Variants in ASB3 observed in about 807,000 individuals in gnomAD.
ASB3 encodes ankyrin repeat and SOCS box containing 3.
Under a neutral mutation model 54.5 loss-of-function variants are expected in ASB3, and 41 were observed. That is an observed-to-expected ratio of 0.75 (90% CI 0.59 to 0.98). ASB3 has a LOEUF of 0.98. Ranked by LOEUF, ASB3 falls within the 50% of genes least tolerant of loss-of-function variation. ASB3 has a pLI of 0.00. For missense variants in ASB3, 733 were observed against 620.0 expected, an observed-to-expected ratio of 1.18 and a Z score of -1.94; for synonymous variants, 266 against 221.2, an observed-to-expected ratio of 1.20 and a Z score of -1.80.
chr2:53,679,359 A>G (rs1018279343), intron 9 of ASB3, among the ~76,000 whole-genome samples: 3 of 151,796 alleles, frequency 2.0e-5, no homozygotes, highest in African/African-American at 4.8e-5. Context: ...TCTCACTTCA[A>G]TCTCCTCCTC....
intron 1 of ASB3, chr2:53,767,889 G>A (rs575285854): frequency 3.2e-5 from 51 of 1,610,066 alleles, no homozygotes; most frequent in Non-Finnish European, 4.1e-5. Flanking sequence ...GCGAGAAGAT[G>A]TGGGTTTTTG....
intron 3 of ASB3, among the ~76,000 whole-genome samples, chr2:53,747,654 T>C (rs1183988669): frequency 1.3e-5 from 2 of 152,196 alleles, no homozygotes; most frequent in Non-Finnish European, 2.9e-5. Flanking sequence ...ATACCTACCA[T>C]ATACCAGGCA....
intron 9 of ASB3, 143 bp from the exon 10 acceptor site, chr2:53,670,833 C>T: frequency 1.1e-6 from 1 of 940,868 alleles, no homozygotes; most frequent in Admixed American, 3.0e-5. Flanking sequence ...TCAGTATGAC[C>T]ACAATAAACC....
chr2:53,760,745 T>C (rs1673096255), intron 2 of ASB3, among the ~76,000 whole-genome samples: 1 of 152,212 alleles, frequency 6.6e-6, no homozygotes, highest in Non-Finnish European at 1.5e-5. Flanking sequence ...ATCAAGCAGA[T>C]AGTCAGGATC....
At chr2:53,688,324 G>C (rs1405549600) in intron 9 of ASB3, among the ~76,000 whole-genome samples, 1 of 152,168 alleles carries the variant, frequency 6.6e-6, no homozygotes, top group Non-Finnish European at 1.5e-5. Flanking sequence ...GAGTGTCCCA[G>C]GTGTCAACCA....
intron 1 of ASB3, among the ~76,000 whole-genome samples, chr2:53,773,961 G>C (rs1674141746): frequency 6.6e-6 from 1 of 152,108 alleles, no homozygotes; most frequent in Non-Finnish European, 1.5e-5. Flanking sequence ...CTTGAACCCG[G>C]GAGGCTGAGG....
In ASB3 at chr2:53,716,669, A is replaced by AT; in HGVS notation, c.678dup (p.Cys227MetfsTer13). ...CCACTGGAGAGCAAAAGCTCCACAC[A>AT]TTTTGTGTGTCCCTCTTGAGCAGCA... On this transcript the variant is annotated frameshift_variant, in exon 6 of 10. Transcript: ENST00000263634. LOFTEE classifies it high-confidence loss of function. 1.2e-6 allele frequency: 2 copies of AT among 1,614,154 alleles called. No individual in the cohort carries two copies. Among genetic ancestry groups the AT allele is most frequent in the Non-Finnish European group, 1.7e-6 (2 of 1,180,010 alleles).
chr2:53,773,406 A>C (rs1674083787), intron 1 of ASB3, among the ~76,000 whole-genome samples: 1 of 151,610 alleles, frequency 6.6e-6, no homozygotes, highest in African/African-American at 2.4e-5. Flanking sequence ...GTGCACTTTA[A>C]GTGAAGAAAA....
intron 7 of ASB3, among the ~76,000 whole-genome samples, chr2:53,711,076 AG>A (rs1670069147): frequency 6.6e-6 from 1 of 152,188 alleles, no homozygotes; most frequent in African/African-American, 2.4e-5. Flanking sequence ...GGCTGCAGTG[AG>A]TCATGATCAT....
chr2:53,682,336 C>T (rs1404721962), intron 9 of ASB3, among the ~76,000 whole-genome samples: 1 of 152,158 alleles, frequency 6.6e-6, no homozygotes, highest in East Asian at 1.9e-4. Context: ...GATGTATCCT[C>T]TTTAATTTCT....
chr2:53,774,580 C>T (rs553822167), intron 1 of ASB3: 20 of 1,277,146 alleles, frequency 1.6e-5, no homozygotes, highest in East Asian at 7.3e-5. Context: ...TTTGGAAATA[C>T]GTTTACTTAA....
intron 1 of ASB3, among the ~76,000 whole-genome samples, chr2:53,768,520 C>G (rs1259101102): frequency 6.6e-6 from 1 of 152,166 alleles, no homozygotes; most frequent in East Asian, 1.9e-4. Flanking sequence ...TTACATCTTT[C>G]AAAAGTTTTA....
chr2:53,718,597 A>T (rs1485600023), intron 5 of ASB3, among the ~76,000 whole-genome samples: 1 of 152,164 alleles, frequency 6.6e-6, no homozygotes, highest in Non-Finnish European at 1.5e-5. Context: ...CCCATAATAC[A>T]ATCATACAAT....
At chr2:53,786,073 G>A (rs571971875) in intron 1 of ASB3, among the ~76,000 whole-genome samples, 8 of 152,268 alleles carry the variant, frequency 5.3e-5, no homozygotes, top group Middle Eastern at 3.4e-3. Flanking sequence ...AACAGATCTA[G>A]CAAGACTGTC....
chr2:53,735,647 A>C (rs371875055), intron 3 of ASB3, among the ~76,000 whole-genome samples: 117 of 152,186 alleles, frequency 7.7e-4, no homozygotes, highest in African/African-American at 2.4e-3. Flanking sequence ...AAAAAAAAAA[A>C]CAAAAACTGA....
chr2:53,714,472 T>G lies in ASB3; in HGVS notation c.892A>C (p.Ile298Leu). Residue 298 changes from isoleucine to leucine, a missense_variant, in exon 7 of 10, where the codon ATA (isoleucine) becomes CTA (leucine). Transcript: ENST00000263634. ...VFGGHEDCLE[I>L]LLRNGYSPDA... ...GGGCTGTAGCCATTCCGGAGTAATATTTCTAGGCAATCTTCATGTCCCCCA... is the reference window on the plus strand; with the variant it reads ...GGGCTGTAGCCATTCCGGAGTAATAGTTCTAGGCAATCTTCATGTCCCCCA... The G allele has an allele frequency of 6.2e-7, 1 of 1,614,226 alleles. No individual in the cohort carries two copies. Among genetic ancestry groups the G allele is most frequent in the South Asian group, 1.1e-5 (1 of 91,082 alleles).
chr2:53,767,779 G>T, intron 1 of ASB3: 1 of 1,412,606 alleles, frequency 7.1e-7, no homozygotes, highest in Non-Finnish European at 9.5e-7. Flanking sequence ...AGTGGCCATC[G>T]CGCCTGCGCC....
intron 2 of ASB3, among the ~76,000 whole-genome samples, chr2:53,752,268 T>G (rs1017233345): frequency 2.0e-5 from 3 of 152,214 alleles, no homozygotes; most frequent in African/African-American, 7.2e-5. Flanking sequence ...TTTTTGCTCC[T>G]TAGTTCAGCT....
intron 5 of ASB3, among the ~76,000 whole-genome samples, chr2:53,716,994 A>G (rs1383568615): frequency 6.6e-6 from 1 of 152,146 alleles, no homozygotes; most frequent in Non-Finnish European, 1.5e-5. Context: ...TGGCCAGAGG[A>G]TTGCTTGAGG....
Sources: allele counts gnomAD v4.1 joint callset (sites outside exome capture counted in the v4.1 genomes callset), GRCh38; gene constraint gnomAD v4.1.1; transcripts MANE v1.5; gene names NCBI Gene and HGNC (gene_info 2026-07-23, HGNC 2026-07-21).